The following FAM185A variants were observed in gnomAD, a reference collection of about 807,000 sequenced individuals.
FAM185A encodes family with sequence similarity 185 member A, also known as protein FAM185A.
FAM185A carries 21 observed loss-of-function variants against 45.7 expected under a neutral mutation model. The ratio of observed to expected loss-of-function variants is 0.46; its 90% CI spans 0.33 to 0.66. The LOEUF (loss-of-function observed/expected upper bound fraction) is 0.66. Ranked by LOEUF, FAM185A falls within the 30% of genes least tolerant of loss-of-function variation. The probability of loss-of-function intolerance (pLI) is 0.03; values close to 1 mark genes in which losing one functional copy is unlikely to be tolerated. For synonymous variants in FAM185A, 117 were observed against 194.0 expected (o/e 0.60, Z 3.30); for missense variants, 305 against 485.4 (o/e 0.63, Z 3.49).
chr7:102,751,779 C>T lies in FAM185A; in HGVS notation c.539C>T (p.Thr180Ile). Residue 180 changes from threonine to isoleucine, a missense_variant, in exon 2 of 8, where the codon ACT becomes ATT. This residue lies in a region of FAM185A where 174 missense variants were observed against 247.1 expected (regional missense o/e 0.70). Coordinates refer to ENST00000413034, the MANE Select transcript of FAM185A (RefSeq NM_001145268.2). ...DNCKIETEHG[T>I]SILQSVKGQK... ...TGCAAAATTGAAACAGAGCATGGGA[C>T]TAGTATCTTGCAGTCTGTTAAGGTA... is the stretch of plus-strand genomic sequence containing the variant. The T allele has an allele frequency of 6.5e-7, 1 of 1,550,296 alleles. No homozygotes were observed. The highest frequency in any genetic ancestry group is 8.7e-7 in the Non-Finnish European group (1 of 1,146,264).
At chr7:102,771,314 T>A (rs908259544) in intron 4 of FAM185A, among the ~76,000 whole-genome samples, 2 of 152,086 alleles carry the variant, frequency 1.3e-5, no homozygotes, top group Non-Finnish European at 2.9e-5. Flanking sequence ...TCACACAATA[T>A]ACCCAGGTAA....
At chr7:102,800,646 A>G (rs1796733111) in intron 7 of FAM185A, among the ~76,000 whole-genome samples, 1 of 145,242 alleles carries the variant, frequency 6.9e-6, no homozygotes. Context: ...AGAGAAAATA[A>G]GAGCTCGAAG....
chr7:102,795,669 T>C (rs1796402731), intron 7 of FAM185A, among the ~76,000 whole-genome samples: 1 of 151,930 alleles, frequency 6.6e-6, no homozygotes, highest in Admixed American at 6.6e-5. Context: ...AACCTGGTGC[T>C]CACACAGGTC....
chr7:102,753,662 CTTAT>C (rs1490275752), intron 2 of FAM185A, among the ~76,000 whole-genome samples: 3 of 150,918 alleles, frequency 2.0e-5, no homozygotes, highest in Non-Finnish European at 4.4e-5. Context: ...CTTCTGTTTT[CTTAT>C]TTAGTTTTTT....
rs1282942913 is a variant in FAM185A, at chr7:102,754,283, C to T, written c.561+2482C>T. Among the ~76,000 whole-genome samples, 5 of 152,170 alleles carry T rather than the reference C, an allele frequency of 3.3e-5. No individual in the cohort carries two copies. The East Asian group carries it at 5.8e-4, about 18-fold the overall frequency. On this transcript the variant is annotated intron_variant, in intron 2 of 7. Coordinates refer to ENST00000413034, the MANE Select transcript of FAM185A (RefSeq NM_001145268.2). The stretch of plus-strand genomic sequence containing the variant: ...TGACACGATCTTGGCTCACTGCAAC[C>T]TCCGCCTCCTGGGTTCAAGTGATTC...
chr7:102,805,999 C>T (rs893134976), intron 7 of FAM185A, among the ~76,000 whole-genome samples: 5 of 152,152 alleles, frequency 3.3e-5, no homozygotes, highest in African/African-American at 9.7e-5. Flanking sequence ...TATCTGAAGT[C>T]CATGTGCCAG....
the FAM185A span, among the ~76,000 whole-genome samples, chr7:102,849,161 C>A: frequency 2.0e-5 from 3 of 152,180 alleles, no homozygotes; most frequent in East Asian, 5.8e-4. Context: ...CTCATAAAAT[C>A]CTCAAGAAAA....
chr7:102,754,983 C>T (rs1793614741), intron 2 of FAM185A: 10 of 243,742 alleles, frequency 4.1e-5, no homozygotes, highest in Non-Finnish European at 6.9e-5. Context: ...AACAGTAGCT[C>T]TTACTATTTT....
At chr7:102,848,801 C>T in the FAM185A span, among the ~76,000 whole-genome samples, 13 of 151,954 alleles carry the variant, frequency 8.6e-5, no homozygotes, top group Admixed American at 1.3e-4. Context: ...GAGTTCGAGA[C>T]CAGTCTGGCC....
At chr7:102,813,159 T>C (rs1460028508), downstream of FAM185A, 1 of 633,672 alleles carries the variant, frequency 1.6e-6, no homozygotes. Flanking sequence ...TTTTAAATCA[T>C]GATTATTTAG....
the FAM185A span, among the ~76,000 whole-genome samples, chr7:102,833,462 T>C: frequency 1.2e-3 from 179 of 151,180 alleles, no homozygotes; most frequent in Non-Finnish European, 2.1e-3. Flanking sequence ...TTGAGAGTCT[T>C]CCTCTGTTGC....
chr7:102,766,488 T>G (rs181399570), intron 4 of FAM185A, among the ~76,000 whole-genome samples: 3 of 152,344 alleles, frequency 2.0e-5, no homozygotes, highest in Admixed American at 2.0e-4. Context: ...AAAACACAGG[T>G]GATAACTTTG....
intron 7 of FAM185A, among the ~76,000 whole-genome samples, chr7:102,788,238 G>A (rs1795938801): frequency 6.6e-6 from 1 of 152,048 alleles, no homozygotes. Flanking sequence ...CAAAGTGCTG[G>A]GATTATAGGA....
the FAM185A span, among the ~76,000 whole-genome samples, chr7:102,844,281 C>T: frequency 1.1e-4 from 16 of 152,054 alleles, no homozygotes; most frequent in South Asian, 6.2e-4. Context: ...AGAACAATGA[C>T]GATTATCGAA....
intron 5 of FAM185A, among the ~76,000 whole-genome samples, chr7:102,775,395 T>C (rs573684906): frequency 1.3e-5 from 2 of 152,246 alleles, no homozygotes; most frequent in East Asian, 3.9e-4. Flanking sequence ...TAATTTGTGT[T>C]AAACAAAAAA....
chr7:102,770,682 A>G (rs1202387899), intron 4 of FAM185A, among the ~76,000 whole-genome samples: 1 of 152,206 alleles, frequency 6.6e-6, no homozygotes, highest in Non-Finnish European at 1.5e-5. Flanking sequence ...CAGAATGGCT[A>G]TTATTAAAAA....
intron 7 of FAM185A, among the ~76,000 whole-genome samples, chr7:102,805,665 C>G (rs1797070054): frequency 6.6e-6 from 1 of 151,908 alleles, no homozygotes; most frequent in Non-Finnish European, 1.5e-5. Flanking sequence ...CCACCTTTAC[C>G]TCCATAAACT....
At chr7:102,781,838 CAGACAA>C (rs1274848934) in intron 6 of FAM185A, among the ~76,000 whole-genome samples, 3 of 152,102 alleles carry the variant, frequency 2.0e-5, no homozygotes, top group African/African-American at 7.2e-5. Context: ...GAGAAGGCTT[CAGACAA>C]TCAAACTACT....
chr7:102,809,364 A>C (rs1203146398), downstream of FAM185A: 2 of 152,150 alleles, frequency 1.3e-5, no homozygotes, highest in Non-Finnish European at 2.9e-5. Flanking sequence ...TATGAATTCC[A>C]TTTCTTTCAA....
Sources: gnomAD v4.1 joint callset for allele counts (sites outside exome capture counted in the v4.1 genomes callset) on GRCh38, gnomAD v4.1.1 for gene constraint, gnomAD v4.1.1 regional missense constraint, MANE v1.5 for transcripts, NCBI Gene and HGNC (gene_info 2026-07-23, HGNC 2026-07-21) for gene names.